The following DHRSX variants were observed in gnomAD, a reference collection of about 807,000 sequenced individuals.
DHRSX encodes polyprenol dehydrogenase.
Under a neutral mutation model 34.0 loss-of-function variants are expected in DHRSX, and 31 were observed. The ratio of observed to expected loss-of-function variants is 0.91; its 90% confidence interval spans 0.69 to 1.23. The LOEUF (loss-of-function observed/expected upper bound fraction) is 1.23, where lower values mean the gene tolerates loss of function less well. Among genes scored for constraint, DHRSX ranks in the 50% most tolerant of loss-of-function variants. The pLI is 0.00. For synonymous variants in DHRSX, 201 were observed against 183.8 expected, an observed-to-expected ratio of 1.09 and a Z score of -0.76; for missense variants, 414 against 428.1, an observed-to-expected ratio of 0.97 and a Z score of 0.29.
intron 3 of DHRSX, among the ~76,000 whole-genome samples, chrX:2,329,767 T>C (rs1384565214): frequency 6.6e-6 from 1 of 151,998 alleles, no homozygotes; most frequent in Non-Finnish European, 1.5e-5. Flanking sequence ...AAAGCTTCAC[T>C]TTAGTTGTTT....
At chrX:2,351,993 T>C (rs2042794225) in intron 3 of DHRSX, among the ~76,000 whole-genome samples, 1 of 152,176 alleles carries the variant, frequency 6.6e-6, no homozygotes, top group African/African-American at 2.4e-5. Context: ...GTGCTGGGGT[T>C]ACAGGCGTGA....
intron 5 of DHRSX, among the ~76,000 whole-genome samples, chrX:2,248,066 G>A (rs1190145389): frequency 1.3e-5 from 2 of 152,152 alleles, no homozygotes; most frequent in African/African-American, 4.8e-5. Context: ...GGGAGGCCAA[G>A]GCAGGTGGAT....
intron 3 of DHRSX, among the ~76,000 whole-genome samples, chrX:2,294,058 C>CAGAG (rs779129649): frequency 2.1e-4 from 31 of 148,982 alleles, no homozygotes; most frequent in African/African-American, 6.9e-4. Flanking sequence ...AAGATAGAAG[C>CAGAG]AGAGAGAGAG....
chrX:2,242,054 C>T (rs186225274), intron 6 of DHRSX, among the ~76,000 whole-genome samples: 3 of 152,142 alleles, frequency 2.0e-5, no homozygotes, highest in Non-Finnish European at 4.4e-5. Context: ...ACTCCCCTTC[C>T]GCTAAGAAGA....
intron 3 of DHRSX, among the ~76,000 whole-genome samples, chrX:2,324,371 A>G (rs980783895): frequency 1.3e-5 from 2 of 152,168 alleles, no homozygotes; most frequent in Non-Finnish European, 2.9e-5. Flanking sequence ...CTTTGGCTTC[A>G]GTTTAATTGC....
In DHRSX at chrX:2,314,896, G is replaced by A. The variant is rs1351715750; in HGVS notation, c.287-23293C>T. Among the ~76,000 whole-genome samples the A allele has an allele frequency of 6.6e-5, 10 of 152,258 alleles. 1 individual carries two copies. The highest frequency in any genetic ancestry group is 3.3e-4 in the Admixed American group (5 of 15,272). On this transcript the variant is annotated intron_variant, in intron 3 of 6. Coordinates refer to ENST00000334651, the MANE Select transcript of DHRSX (RefSeq NM_145177.3). ...TCTTAGGCCAGGTGCGGTGGCTCAC[G>A]CCTGCAATCTCAGCACCTTGGGATG...
intron 3 of DHRSX, among the ~76,000 whole-genome samples, chrX:2,392,871 T>C (rs2043351862): frequency 7.1e-6 from 1 of 140,246 alleles, no homozygotes; most frequent in African/African-American, 2.6e-5. Context: ...ATATATTTTA[T>C]ATATACACAA....
chrX:2,459,120 A>G (rs1416341253), intron 1 of DHRSX, among the ~76,000 whole-genome samples: 1 of 152,128 alleles, frequency 6.6e-6, no homozygotes, highest in African/African-American at 2.4e-5. Context: ...CCTGGGTGAT[A>G]GAGGGTGAGA....
At chrX:2,475,804 T>C (rs1037581083) in intron 1 of DHRSX, among the ~76,000 whole-genome samples, 2 of 152,154 alleles carry the variant, frequency 1.3e-5, no homozygotes, top group African/African-American at 4.8e-5. Flanking sequence ...TACCACACAC[T>C]TCCTACAGCT....
At chrX:2,415,975 C>G (rs2043688199) in intron 2 of DHRSX, among the ~76,000 whole-genome samples, 1 of 151,850 alleles carries the variant, frequency 6.6e-6, no homozygotes, top group South Asian at 2.1e-4. Context: ...CATGACCAAC[C>G]CAACTAGACC....
intron 5 of DHRSX, 88 bp from the exon 6 acceptor site, chrX:2,243,318 GGCCACGTCTATACGCA>G: frequency 8.3e-7 from 1 of 1,207,186 alleles, no homozygotes. Flanking sequence ...CTGCGGCCAC[GGCCACGTCTATACGCA>G]GCCACCTCCC....
chrX:2,468,024 G>C (rs987049147), intron 1 of DHRSX, among the ~76,000 whole-genome samples: 3 of 151,824 alleles, frequency 2.0e-5, no homozygotes, highest in African/African-American at 7.3e-5. Flanking sequence ...GCCAGGGATG[G>C]AAGCCCCTTC....
intron 3 of DHRSX, among the ~76,000 whole-genome samples, chrX:2,311,937 A>T (rs2042170120): frequency 6.6e-6 from 1 of 152,166 alleles, no homozygotes; most frequent in Non-Finnish European, 1.5e-5. Flanking sequence ...CTTAATTCCT[A>T]AGAAGCTGTT....
chrX:2,307,206 C>T (rs983373107), intron 3 of DHRSX, among the ~76,000 whole-genome samples: 11 of 152,114 alleles, frequency 7.2e-5, no homozygotes, highest in Non-Finnish European at 1.3e-4. Context: ...TGAATTAACA[C>T]AGAAACGGAA....
intron 3 of DHRSX, among the ~76,000 whole-genome samples, chrX:2,303,483 C>A (rs1346225550): frequency 3.3e-5 from 5 of 152,150 alleles, no homozygotes; most frequent in Non-Finnish European, 7.3e-5. Flanking sequence ...GCCATTAAGA[C>A]GTGCTGGCTT....
chrX:2,284,509 G>C (rs191275456), intron 4 of DHRSX, among the ~76,000 whole-genome samples: 3 of 152,132 alleles, frequency 2.0e-5, no homozygotes, highest in Non-Finnish European at 2.9e-5. Context: ...TATTTTTCAG[G>C]GTCACCCTGT....
At chrX:2,493,534 A>AT (rs750634399) in intron 1 of DHRSX, among the ~76,000 whole-genome samples, 4 of 151,670 alleles carry the variant, frequency 2.6e-5, no homozygotes, top group Admixed American at 1.3e-4. Context: ...TTTCAATTCC[A>AT]TTATTATTAT....
At chrX:2,239,907 T>C (rs930683791) in intron 6 of DHRSX, among the ~76,000 whole-genome samples, 3 of 152,208 alleles carry the variant, frequency 2.0e-5, no homozygotes, top group African/African-American at 7.2e-5. Flanking sequence ...AGCGAATACT[T>C]AGTGCTTAAT....
chrX:2,241,052 C>T (rs75839441), intron 6 of DHRSX, among the ~76,000 whole-genome samples: 19,881 of 151,984 alleles, frequency 0.13, 1,847 homozygotes, highest in Non-Finnish European at 0.19. Flanking sequence ...GGCATGGTGG[C>T]GCACACCTGC....
Sources: allele counts gnomAD v4.1 joint callset (sites outside exome capture counted in the v4.1 genomes callset), GRCh38; gene constraint gnomAD v4.1.1; transcripts MANE v1.5; gene names NCBI Gene and HGNC (gene_info 2026-07-23, HGNC 2026-07-21).